The following APIP variants were observed in gnomAD, a reference collection of about 807,000 sequenced individuals.
APIP encodes methylthioribulose-1-phosphate dehydratase.
A neutral mutation model predicts 32.0 loss-of-function variants in APIP; 32 were observed. That is an observed-to-expected ratio of 1.00 (90% CI 0.76 to 1.34). The LOEUF (loss-of-function observed/expected upper bound fraction) is 1.34, where lower values mean the gene tolerates loss of function less well. Among genes scored for constraint, APIP ranks in the 40% most tolerant of loss-of-function variants. APIP has a pLI of 0.00. For missense variants in APIP, 247 were observed against 298.6 expected (o/e 0.83, Z 1.27); for synonymous variants, 92 against 94.8 (o/e 0.97, Z 0.17).
chr11:34,891,532 A>C (rs1452327617), intron 2 of APIP, among the ~76,000 whole-genome samples: 3 of 152,164 alleles, frequency 2.0e-5, no homozygotes, highest in African/African-American at 7.2e-5. Context: ...AACATTTCAT[A>C]GTGTAAATGA....
At position 34,916,245 on chromosome 11, in the gene APIP, G is replaced by A. The variant is rs139123979; in HGVS notation, c.40C>T (p.Arg14Trp). 131 of 1,612,124 alleles carry A rather than the reference G, an allele frequency of 8.1e-5. No individual in the cohort carries two copies. The highest frequency in any genetic ancestry group is 1.1e-4 in the Non-Finnish European group (126 of 1,179,450). The change falls in exon 1 of 7, where the codon CGG becomes TGG. Residue 14 changes from arginine (R) to tryptophan (W), a missense_variant. Physicochemically the swap from Arg to Trp is moderately radical, Grantham distance 101. Transcript: ENST00000395787. ...CDAREGDCCSRRCGAQDKEHP... is the reference protein window; with the variant it reads ...CDAREGDCCSWRCGAQDKEHP... ...GCCCCTACCTGCGCGCCGCATCTCC[G>A]GGAACAACAGTCTCCCTCCCGAGCA...
At chr11:34,913,131 C>T (rs1000258796) in intron 1 of APIP, among the ~76,000 whole-genome samples, 1 of 152,202 alleles carries the variant, frequency 6.6e-6, no homozygotes, top group African/African-American at 2.4e-5. Flanking sequence ...GGATGCCTGC[C>T]ACGGCTTCCT....
rs958231555 is a variant in APIP, at chr11:34,883,412, G to C, written c.554C>G (p.Pro185Arg). 2 of 1,613,860 alleles carry C rather than the reference G, an allele frequency of 1.2e-6. No individual in the cohort carries two copies. Among genetic ancestry groups the C allele is most frequent in the Admixed American group, 3.3e-5 (2 of 59,978 alleles). The stretch of plus-strand genomic sequence containing the variant: ...TCTGACCAGTACTGCACAGGAGTCT[G>C]GGTATTCATTCATTGCATGAGCCAT... Reference protein sequence around the residue: ...DRMAHAMNEYPDSCAVLVRRH... With the variant: ...DRMAHAMNEYRDSCAVLVRRH... Residue 185 changes from proline to arginine, a missense_variant, in exon 6 of 7, where the codon CCA (proline) becomes CGA (arginine). Coordinates refer to ENST00000395787, the MANE Select transcript of APIP (RefSeq NM_015957.4).
chr11:34,897,074 A>G (rs1313114152), intron 1 of APIP, among the ~76,000 whole-genome samples: 1 of 152,254 alleles, frequency 6.6e-6, no homozygotes, highest in Non-Finnish European at 1.5e-5. Flanking sequence ...AGCGATCATT[A>G]TTTAACAGGT....
Position 34,883,497 on chromosome 11 carries a change from C to T in APIP, c.469G>A (p.Asp157Asn). The change falls in exon 6 of 7, where the codon GAT (aspartate) becomes AAT (asparagine). Residue 157 changes from aspartate to asparagine, a missense_variant. Transcript: ENST00000395787. ...CTSGGYYRYD[D>N]MLVVPIIENT... ...TCAATAATGGGTACCACTAACATAT[C>T]ATCATATCTGTAAGACAAAACAAGC... is the stretch of plus-strand genomic sequence containing the variant. 3 of 1,613,202 alleles carry T rather than the reference C, an allele frequency of 1.9e-6. No individual in the cohort carries two copies. Among genetic ancestry groups the T allele is most frequent in the Non-Finnish European group, 1.7e-6 (2 of 1,179,628 alleles).
intron 1 of APIP, among the ~76,000 whole-genome samples, chr11:34,913,537 T>C (rs1264348344): frequency 5.3e-5 from 8 of 152,204 alleles, no homozygotes; most frequent in African/African-American, 7.2e-5. Flanking sequence ...GGTGGGTTCA[T>C]GGTCTCGCTG....
rs953005243 is a variant in APIP, at chr11:34,888,152, A to G, written c.461+141T>C. Reference sequence around the variant, plus strand: ...CCATTCGTGTCATGAGAATAGGTCTAGAAGTGTAATATTAAATGGAGTATT... The same window carrying G: ...CCATTCGTGTCATGAGAATAGGTCTGGAAGTGTAATATTAAATGGAGTATT... On this transcript the variant is annotated intron_variant, in intron 5 of 6. Coordinates refer to ENST00000395787, the MANE Select transcript of APIP (RefSeq NM_015957.4). The G allele has an allele frequency of 8.3e-6, 7 of 841,606 alleles. No individual in the cohort carries two copies. The African/African-American group carries it at 1.2e-4, about 15-fold the overall frequency. 52.1% of individuals were successfully genotyped at this position (841,606 alleles called of 1,614,324 possible).
chr11:34,909,429 G>A (rs924037016), intron 1 of APIP, among the ~76,000 whole-genome samples: 3 of 152,188 alleles, frequency 2.0e-5, no homozygotes, highest in East Asian at 1.9e-4. Context: ...GGAGAAAAAC[G>A]GCAGGGATCA....
chr11:34,893,865 A>G (rs1409338677), intron 2 of APIP, among the ~76,000 whole-genome samples: 3 of 152,212 alleles, frequency 2.0e-5, no homozygotes, highest in African/African-American at 7.2e-5. Flanking sequence ...TTAATATGCA[A>G]TGCAGCCTCC....
chr11:34,899,238 T>C (rs547033184), intron 1 of APIP, among the ~76,000 whole-genome samples: 2 of 152,344 alleles, frequency 1.3e-5, no homozygotes, highest in East Asian at 3.9e-4. Context: ...AGGCACATTT[T>C]TTTTTCTTTT....
At chr11:34,892,543 G>A (rs1853200465) in intron 2 of APIP, among the ~76,000 whole-genome samples, 1 of 152,106 alleles carries the variant, frequency 6.6e-6, no homozygotes, top group Non-Finnish European at 1.5e-5. Flanking sequence ...TCTGACACCT[G>A]TCAATATTAC....
intron 2 of APIP, among the ~76,000 whole-genome samples, chr11:34,892,511 C>A (rs1853199772): frequency 7.8e-6 from 1 of 128,912 alleles, no homozygotes; most frequent in Non-Finnish European, 1.8e-5. Flanking sequence ...TAGTCCTAAT[C>A]ACATGCAACA....
chr11:34,906,707 A>C (rs896045739), intron 1 of APIP, among the ~76,000 whole-genome samples: 1 of 152,216 alleles, frequency 6.6e-6, no homozygotes, highest in African/African-American at 2.4e-5. Flanking sequence ...TAACACCTCT[A>C]GTAAAGCAGA....
chr11:34,896,508 T>C (rs1447570515), intron 1 of APIP, among the ~76,000 whole-genome samples: 1 of 152,038 alleles, frequency 6.6e-6, no homozygotes, highest in Non-Finnish European at 1.5e-5. Flanking sequence ...CACTCATAAA[T>C]GGGATTTGAA....
intron 1 of APIP, among the ~76,000 whole-genome samples, chr11:34,903,907 T>C (rs963279884): frequency 1.3e-5 from 2 of 152,328 alleles, no homozygotes; most frequent in South Asian, 2.1e-4. Context: ...AGGTTTTCAC[T>C]TGGGAAAGGA....
At chr11:34,912,543 G>A (rs7130874) in intron 1 of APIP, among the ~76,000 whole-genome samples, 28,778 of 152,084 alleles carry the variant, frequency 0.19, 3,891 homozygotes, top group African/African-American at 0.39. Flanking sequence ...GCCAAAGGAG[G>A]ATTAACATTT....
At chr11:34,905,977 T>G (rs1853444903) in intron 1 of APIP, among the ~76,000 whole-genome samples, 1 of 152,200 alleles carries the variant, frequency 6.6e-6, no homozygotes, top group African/African-American at 2.4e-5. Context: ...ACTCCATTTG[T>G]CAGGTGGACG....
At chr11:34,886,374 G>T (rs1436818494) in intron 5 of APIP, among the ~76,000 whole-genome samples, 1 of 151,508 alleles carries the variant, frequency 6.6e-6, no homozygotes, top group Admixed American at 6.6e-5. Flanking sequence ...AAGATATAAA[G>T]AAAATATTTT....
intron 1 of APIP, chr11:34,916,026 C>A: frequency 1.5e-6 from 1 of 663,334 alleles, no homozygotes. Flanking sequence ...GCGCCCCGCC[C>A]GAGACCACTG....
Sources: allele counts gnomAD v4.1 joint callset (sites outside exome capture counted in the v4.1 genomes callset), GRCh38; gene constraint gnomAD v4.1.1; transcripts MANE v1.5; gene names NCBI Gene and HGNC (gene_info 2026-07-23, HGNC 2026-07-21).